The following AFF2 variants were observed in gnomAD, a reference collection of about 807,000 sequenced individuals.
AFF2 encodes the protein ALF transcription elongation factor 2, also known as AF4/FMR2 family member 2.
In AFF2, 14 loss-of-function variants were observed where a neutral mutation model predicts 76.9. The observed-to-expected ratio is 0.18, with a 90% confidence interval of 0.12 to 0.28. AFF2 has a LOEUF of 0.28. Ranked by LOEUF, AFF2 falls within the 10% of genes least tolerant of loss-of-function variation. The pLI is 1.00. For missense variants in AFF2, 868 were observed against 1,001.1 expected (o/e 0.87, Z 1.79); for synonymous variants, 398 against 366.7 (o/e 1.09, Z -0.98).
In AFF2 at chrX:148,522,897, T is replaced by G. The variant is rs782283326; in HGVS notation, c.47+21753T>G. Among the ~76,000 whole-genome samples, 3 of 112,814 alleles carry G rather than the reference T, an allele frequency of 2.7e-5. No homozygotes were observed. In the South Asian group the frequency reaches 1.1e-3, roughly 41 times the overall value. ...ACTTAGTATAAAGATCTGCTCTACGTGATCACACATGTGGGCATGCAAACA... is the reference window on the plus strand; with the variant it reads ...ACTTAGTATAAAGATCTGCTCTACGGGATCACACATGTGGGCATGCAAACA... On this transcript the variant is annotated intron_variant, in intron 1 of 20. Transcript: ENST00000370460.
chrX:148,951,165 GCACACACACACACACGCA>G (rs1569557546), intron 9 of AFF2, among the ~76,000 whole-genome samples: 2 of 39,113 alleles, frequency 5.1e-5, no homozygotes, highest in Non-Finnish European at 1.2e-4. Flanking sequence ...ACACATACAC[GCACACACACACACACGCA>G]CACACACACA....
At chrX:148,985,092 C>T (rs2072447420) in intron 19 of AFF2, among the ~76,000 whole-genome samples, 1 of 109,545 alleles carries the variant, frequency 9.1e-6, no homozygotes. Context: ...TCAAGTGATT[C>T]TCCTGCTTCA....
Position 148,991,260 on chromosome X carries a change from C to T in AFF2, c.3864C>T (p.Ser1288=). ...TGATGGGGCCTCTGACCCAGCACAG[C>T]AGCATGACCAATCTTGTCCGCTACG... ...DTLMGPLTQH[S]SMTNLVRYVR... Residue 1288 remains serine, a synonymous_variant, in exon 21 of 21, where the codon AGC becomes AGT. Transcript: ENST00000370460. 1 of 1,209,743 alleles carries T rather than the reference C, an allele frequency of 8.3e-7. No homozygotes were observed. Among genetic ancestry groups the T allele is most frequent in the Non-Finnish European group, 1.1e-6 (1 of 894,316 alleles).
intron 9 of AFF2, among the ~76,000 whole-genome samples, chrX:148,920,629 T>TAC (rs1557283092): frequency 3.7e-5 from 1 of 26,728 alleles, no homozygotes; most frequent in African/African-American, 5.8e-5. Flanking sequence ...TGCGTGTGTG[T>TAC]GCGCGTGTGT....
At chrX:148,884,094 T>C (rs1335815807) in intron 7 of AFF2, among the ~76,000 whole-genome samples, 3 of 112,050 alleles carry the variant, frequency 2.7e-5, no homozygotes, top group Admixed American at 9.5e-5. Context: ...AGTCTTCATT[T>C]CCCACAATGT....
intron 9 of AFF2, among the ~76,000 whole-genome samples, chrX:148,914,084 T>C (rs1482715449): frequency 1.5e-4 from 17 of 111,764 alleles, no homozygotes; most frequent in African/African-American, 5.2e-4. Context: ...GTTTGTATGA[T>C]TGAAGCATGT....
rs782390439 is a variant in AFF2 at position 148,555,610 on chromosome X, AT to A, written c.47+54469del. ...AGACATGTCCCTCAGCAATATCAGC[AT>A]TTCTTTTTTGGGACAGTTACTGATT... On this transcript the variant is annotated intron_variant, in intron 1 of 20. Coordinates refer to ENST00000370460, the MANE Select transcript of AFF2 (RefSeq NM_002025.4). Among the ~76,000 whole-genome samples the A allele has an allele frequency of 4.5e-5, 5 of 111,965 alleles. No individual in the cohort carries two copies. The East Asian group carries it at 1.1e-3, about 25-fold the overall frequency.
intron 1 of AFF2, among the ~76,000 whole-genome samples, chrX:148,538,082 G>A (rs782064346): frequency 5.3e-5 from 6 of 112,521 alleles, no homozygotes; most frequent in Non-Finnish European, 9.4e-5. Context: ...AACCTTCTAC[G>A]TAGTATCAAA....
At chrX:148,539,656 A>G (rs1557237111) in intron 1 of AFF2, among the ~76,000 whole-genome samples, 1 of 110,808 alleles carries the variant, frequency 9.0e-6, no homozygotes, top group Non-Finnish European at 1.9e-5. Flanking sequence ...TCTAAGATTG[A>G]ACTATCTTTT....
At chrX:148,614,710 TTTC>T (rs1569552157) in intron 1 of AFF2, among the ~76,000 whole-genome samples, 3 of 65,852 alleles carry the variant, frequency 4.6e-5, no homozygotes, top group Non-Finnish European at 8.0e-5. Context: ...TCTTTCTTTC[TTTC>T]TTTCTTTCTT....
At chrX:148,664,666 CT>C (rs1461297064) in intron 3 of AFF2, among the ~76,000 whole-genome samples, 5 of 112,610 alleles carry the variant, frequency 4.4e-5, no homozygotes, top group Non-Finnish European at 7.5e-5. Flanking sequence ...ACCTCATTCT[CT>C]CTGTATCCCA....
At chrX:148,675,946 G>A (rs2054477833) in intron 3 of AFF2, among the ~76,000 whole-genome samples, 1 of 110,808 alleles carries the variant, frequency 9.0e-6, no homozygotes, top group African/African-American at 3.3e-5. Flanking sequence ...AGAAGGAGTG[G>A]TCTTATTCAA....
intron 8 of AFF2, among the ~76,000 whole-genome samples, chrX:148,903,229 T>C (rs972257478): frequency 2.5e-4 from 28 of 111,573 alleles, no homozygotes; most frequent in African/African-American, 8.8e-4. Context: ...TGAAAAAGTC[T>C]ATGGGAGTAC....
chrX:148,593,238 C>T (rs2053539890), intron 1 of AFF2, among the ~76,000 whole-genome samples: 2 of 112,339 alleles, frequency 1.8e-5, no homozygotes, highest in Non-Finnish European at 3.8e-5. Flanking sequence ...TTTATATTTG[C>T]TTAACACTTT....
intron 1 of AFF2, among the ~76,000 whole-genome samples, chrX:148,515,432 T>G (rs1378667816): frequency 8.9e-6 from 1 of 112,413 alleles, no homozygotes; most frequent in Non-Finnish European, 1.9e-5. Context: ...TCCAGTGTCT[T>G]ATTTCCAGGA....
At chrX:148,807,985 A>G (rs2070158144) in intron 3 of AFF2, among the ~76,000 whole-genome samples, 1 of 112,600 alleles carries the variant, frequency 8.9e-6, no homozygotes, top group Admixed American at 9.4e-5. Context: ...CAAACAAACA[A>G]TCAAACAACT....
intron 1 of AFF2, among the ~76,000 whole-genome samples, chrX:148,578,325 C>A (rs1205452045): frequency 9.0e-6 from 1 of 111,177 alleles, no homozygotes; most frequent in Non-Finnish European, 1.9e-5. Flanking sequence ...TTCCCAGCAT[C>A]CTTCTTCTGC....
intron 7 of AFF2, among the ~76,000 whole-genome samples, chrX:148,849,732 C>A (rs782093653): frequency 3.6e-5 from 4 of 111,284 alleles, no homozygotes; most frequent in Non-Finnish European, 7.5e-5. Context: ...AAGTAGAAAC[C>A]CAGCTCAGAG....
At chrX:148,874,801 G>C (rs1017806508) in intron 7 of AFF2, among the ~76,000 whole-genome samples, 1 of 111,512 alleles carries the variant, frequency 9.0e-6, no homozygotes, top group Non-Finnish European at 1.9e-5. Flanking sequence ...CCTTACATGT[G>C]TTCAGCAGGG....
Sources: gnomAD v4.1 joint callset for allele counts (sites outside exome capture counted in the v4.1 genomes callset) on GRCh38, gnomAD v4.1.1 for gene constraint, MANE v1.5 for transcripts, NCBI Gene and HGNC (gene_info 2026-07-23, HGNC 2026-07-21) for gene names.